TPST2: variants seen among roughly 807,000 people sequenced by gnomAD.
TPST2 encodes protein-tyrosine sulfotransferase 2.
Under a neutral mutation model 27.8 loss-of-function variants are expected in TPST2, and 16 were observed. The observed-to-expected ratio is 0.58, with a 90% CI of 0.39 to 0.88. The LOEUF is 0.88. Ranked by LOEUF, TPST2 falls within the 40% of genes least tolerant of loss-of-function variation. TPST2 has a pLI of 0.00. For synonymous variants in TPST2, 229 were observed against 231.7 expected, an observed-to-expected ratio of 0.99 and a Z score of 0.10; for missense variants, 464 against 543.1, an observed-to-expected ratio of 0.85 and a Z score of 1.45.
chr22:26,585,770 G>A (rs1433720518), intron 1 of TPST2, among the ~76,000 whole-genome samples: 2 of 152,098 alleles, frequency 1.3e-5, no homozygotes, highest in Non-Finnish European at 2.9e-5. Context: ...TACATTTCAG[G>A]CCAGGCGTGG....
At position 26,553,555 on chromosome 22, in the gene TPST2, G is replaced by T. The variant is rs567500773; in HGVS notation, c.-160-8880C>A. Among the ~76,000 whole-genome samples, 3 of 152,072 alleles carry T rather than the reference G, an allele frequency of 2.0e-5. No individual in the cohort carries two copies. In the South Asian group the frequency reaches 6.2e-4, roughly 32 times the overall value. On this transcript the variant is annotated intron_variant, in intron 1 of 6. Transcript: ENST00000338754. ...GCCCAGTTAATTTTTTATTTTTGTG[G>T]AGACGGGGTCTCACTATGTTGCCCA...
Position 26,578,628 on chromosome 22 carries a change from T to C in TPST2, c.-161+11425A>G, listed in dbSNP as rs5997103. On this transcript the variant is annotated intron_variant, in intron 1 of 6. Transcript: ENST00000338754. ...GAGCAAACCAGGCCTCGAACCAGAA[T>C]CTCCCATCTCTCAGAAGTCGGTGTC... Among the ~76,000 whole-genome samples the C allele has an allele frequency of 2.8e-3, 433 of 151,968 alleles. 1 individual carries two copies. Among genetic ancestry groups the C allele is most frequent in the African/African-American group, 9.6e-3 (399 of 41,454 alleles).
At chr22:26,555,941 A>T (rs1926771797) in intron 1 of TPST2, among the ~76,000 whole-genome samples, 2 of 152,212 alleles carry the variant, frequency 1.3e-5, no homozygotes, top group Admixed American at 1.3e-4. Flanking sequence ...CAGCATGAGG[A>T]CTCAAACCCA....
chr22:26,551,199 T>C (rs1228169627), intron 1 of TPST2, among the ~76,000 whole-genome samples: 1 of 152,176 alleles, frequency 6.6e-6, no homozygotes, highest in Non-Finnish European at 1.5e-5. Flanking sequence ...AGTGGGAGGA[T>C]GGCTTGAGCC....
rs1925836188 is a variant in TPST2, at chr22:26,541,564, G to A, written c.67C>T (p.Gln23Ter). 1 of 1,609,134 alleles carries A rather than the reference G, an allele frequency of 6.2e-7. No homozygotes were observed. The highest frequency in any genetic ancestry group is 1.3e-5 in the African/African-American group (1 of 74,904). ...GCALVLVLAVQLGQQVLECRA... is the reference protein window; with the variant it reads ...GCALVLVLAV ...CACTCTAGCACCTGCTGTCCCAGCT[G>A]AACCGCCAGCACCAGGACCAGGGCG... The change falls in exon 3 of 7, where the codon CAG becomes TAG. Residue 23 changes from glutamine (Q) to a stop codon, truncating the protein, a stop_gained. Transcript: ENST00000338754. LOFTEE classifies it high-confidence loss of function. This position sits in a 1 kb window ranked among gnomAD's most constrained non-coding sequence, Gnocchi z 5.9.
intron 1 of TPST2, among the ~76,000 whole-genome samples, chr22:26,545,323 G>GATGA (rs375727507): frequency 6.6e-6 from 1 of 152,200 alleles, no homozygotes; most frequent in African/African-American, 2.4e-5. Flanking sequence ...GGAATGGATG[G>GATGA]AAAGAGTTTC....
chr22:26,528,798 C>T (rs1223954997), intron 5 of TPST2, among the ~76,000 whole-genome samples: 4 of 151,996 alleles, frequency 2.6e-5, no homozygotes, highest in Non-Finnish European at 5.9e-5. Flanking sequence ...GCCTGGCCAA[C>T]ATGGCAAAAC....
chr22:26,536,240 C>T (rs903204844), intron 4 of TPST2, 48 bp downstream of exon 4: 2 of 1,603,694 alleles, frequency 1.2e-6, no homozygotes, highest in Non-Finnish European at 1.7e-6. Flanking sequence ...TCTGCAGAAG[C>T]CCCATATCCC....
intron 1 of TPST2, among the ~76,000 whole-genome samples, chr22:26,557,519 A>C (rs1287035863): frequency 2.0e-5 from 3 of 152,186 alleles, no homozygotes; most frequent in Non-Finnish European, 4.4e-5. Flanking sequence ...ATGAGAAATC[A>C]GCAGTGGTGA....
At chr22:26,571,113 C>G (rs1419945186) in intron 1 of TPST2, among the ~76,000 whole-genome samples, 1 of 152,208 alleles carries the variant, frequency 6.6e-6, no homozygotes, top group Non-Finnish European at 1.5e-5. Context: ...TCAGGAAAAA[C>G]CAGTCCTCAT....
intron 3 of TPST2, among the ~76,000 whole-genome samples, chr22:26,539,137 C>T (rs993094582): frequency 3.9e-5 from 6 of 152,150 alleles, no homozygotes; most frequent in East Asian, 1.9e-4. Flanking sequence ...CTGGGGTACC[C>T]GGCATGTAGG....
At chr22:26,560,967 G>T in intron 1 of TPST2, 1 of 1,610,020 alleles carries the variant, frequency 6.2e-7, no homozygotes, top group Non-Finnish European at 8.5e-7. Flanking sequence ...TGAAAAGAAG[G>T]CTGCGAAGCT....
At chr22:26,536,258 AC>A (rs1249887788) in intron 4 of TPST2, 29 bp downstream of exon 4, 2 of 1,613,098 alleles carry the variant, frequency 1.2e-6, no homozygotes, top group African/African-American at 1.3e-5. Flanking sequence ...CCCCAAGAGT[AC>A]ACTTCCACAA....
intron 3 of TPST2, among the ~76,000 whole-genome samples, chr22:26,537,210 A>G (rs1171361235): frequency 6.6e-6 from 1 of 152,226 alleles, no homozygotes; most frequent in Non-Finnish European, 1.5e-5. Context: ...TGCACTGTGG[A>G]GCACACCACC....
chr22:26,528,128 G>C, intron 6 of TPST2, 86 bp downstream of exon 6: 1 of 1,496,324 alleles, frequency 6.7e-7, no homozygotes. Flanking sequence ...GGAGGCTCTG[G>C]AAGGACAGAA....
rs1262563916 is a variant in TPST2, at chr22:26,553,933, T to C, written c.-160-9258A>G. On this transcript the variant is annotated intron_variant, in intron 1 of 6. Transcript: ENST00000338754. ...TGTTCAGTACAGATGCAACCACCCA[T>C]TTTTTCCCGAATATTTTTGATCCAC... Among the ~76,000 whole-genome samples, 3 of 152,246 alleles carry C rather than the reference T, an allele frequency of 2.0e-5. No individual in the cohort carries two copies. The East Asian group carries it at 5.8e-4, about 29-fold the overall frequency.
chr22:26,569,657 AG>A (rs1602295157), intron 1 of TPST2, among the ~76,000 whole-genome samples: 2 of 151,748 alleles, frequency 1.3e-5, no homozygotes, highest in Admixed American at 1.3e-4. Flanking sequence ...CTAAAAAAAA[AG>A]AAAATTAATG....
intron 1 of TPST2, among the ~76,000 whole-genome samples, chr22:26,572,007 T>C (rs1257204730): frequency 6.6e-6 from 1 of 152,160 alleles, no homozygotes; most frequent in Non-Finnish European, 1.5e-5. Flanking sequence ...TCCCACTGTC[T>C]TCAGTATGCA....
chr22:26,531,753 T>TG (rs922300537), intron 5 of TPST2, among the ~76,000 whole-genome samples: 1 of 152,192 alleles, frequency 6.6e-6, no homozygotes, highest in African/African-American at 2.4e-5. Context: ...GTTCCACGAC[T>TG]GCCCCACTTT....
Sources: gnomAD v4.1 joint callset for allele counts (sites outside exome capture counted in the v4.1 genomes callset) on GRCh38, gnomAD v4.1.1 for gene constraint, Gnocchi (gnomAD v3.1) non-coding constraint, MANE v1.5 for transcripts, NCBI Gene and HGNC (gene_info 2026-07-23, HGNC 2026-07-21) for gene names.